The following ACACA variants were observed in gnomAD, a reference collection of about 807,000 sequenced individuals.
ACACA encodes the protein acetyl-CoA carboxylase 1.
Under a neutral mutation model 296.1 loss-of-function variants are expected in ACACA, and 103 were observed. The observed-to-expected ratio is 0.35, with a 90% CI of 0.30 to 0.41. The LOEUF is 0.41. Ranked by LOEUF, ACACA falls within the 10% of genes least tolerant of loss-of-function variation. The probability of loss-of-function intolerance (pLI) is 1.00; values close to 1 mark genes in which losing one functional copy is unlikely to be tolerated. For missense variants in ACACA, 1,554 were observed against 2,989.7 expected (o/e 0.52, Z 11.20); for synonymous variants, 953 against 1,038.6 (o/e 0.92, Z 1.58).
chr17:37,212,052 G>A (rs930921156), intron 29 of ACACA, among the ~76,000 whole-genome samples: 3 of 152,092 alleles, frequency 2.0e-5, no homozygotes, highest in Admixed American at 1.3e-4. Flanking sequence ...TTCCTTTTAC[G>A]ATATAAAGGA....
intron 5 of ACACA, among the ~76,000 whole-genome samples, chr17:37,281,602 T>C (rs1362562122): frequency 2.0e-5 from 3 of 152,196 alleles, no homozygotes; most frequent in African/African-American, 7.2e-5. Context: ...GCGCAGTGGC[T>C]TACACCTGTA....
intron 5 of ACACA, among the ~76,000 whole-genome samples, chr17:37,281,627 G>T (rs1261599606): frequency 6.6e-6 from 1 of 152,118 alleles, no homozygotes; most frequent in Non-Finnish European, 1.5e-5. Context: ...TAGTACTTTG[G>T]GAGGCCAAGG....
At position 37,284,753 on chromosome 17, in the gene ACACA, T is replaced by C. The variant is rs117695228; in HGVS notation, c.471+85A>G. ...AAGCCTCTGAGAAACTAAATATCAA[T>C]TGGGAGCAAATCTAGACAACAAATC... On this transcript the variant is annotated intron_variant, in intron 4 of 55. Coordinates refer to ENST00000616317, the MANE Select transcript of ACACA (RefSeq NM_198834.3). 2.8e-4 allele frequency: 447 copies of C among 1,582,276 alleles called. 1 individual carries two copies. The highest frequency in any genetic ancestry group is 3.5e-4 in the Non-Finnish European group (408 of 1,153,214).
chr17:37,124,202 C>A (rs567250832), intron 48 of ACACA, among the ~76,000 whole-genome samples: 1 of 152,286 alleles, frequency 6.6e-6, no homozygotes, highest in South Asian at 2.1e-4. Flanking sequence ...GTTTTATATA[C>A]TTGTGAGTAT....
chr17:37,247,012 C>T (rs771650436), intron 18 of ACACA, 36 bp from the exon 19 acceptor site: 36 of 1,611,650 alleles, frequency 2.2e-5, no homozygotes, highest in African/African-American at 6.7e-5. Context: ...GCTAAGAAAG[C>T]ACCTCAGGAT....
At chr17:37,337,883 G>A (rs1203906311) in intron 2 of ACACA, among the ~76,000 whole-genome samples, 1 of 151,854 alleles carries the variant, frequency 6.6e-6, no homozygotes, top group Non-Finnish European at 1.5e-5. Context: ...GGATCACAAG[G>A]TCAGGAGATC....
chr17:37,120,708 G>C (rs1310105236), intron 50 of ACACA, among the ~76,000 whole-genome samples: 2 of 152,212 alleles, frequency 1.3e-5, no homozygotes, highest in Non-Finnish European at 2.9e-5. Flanking sequence ...CTTCACTACT[G>C]TAAGAGGTAG....
chr17:37,382,277 ACAGTGGTTCTTAACCT>A (rs1317518657), intron 1 of ACACA, among the ~76,000 whole-genome samples: 1 of 151,944 alleles, frequency 6.6e-6, no homozygotes, highest in African/African-American at 2.4e-5. Context: ...CAGCTGCTGG[ACAGTGGTTCTTAACCT>A]CAGCCTGAAG....
intron 5 of ACACA, among the ~76,000 whole-genome samples, chr17:37,278,666 G>A (rs940312282): frequency 6.6e-6 from 1 of 152,116 alleles, no homozygotes; most frequent in African/African-American, 2.4e-5. Context: ...GAGCTACCAC[G>A]TGTAGGGACT....
chr17:37,363,137 C>G (rs2049470561), intron 1 of ACACA, among the ~76,000 whole-genome samples: 1 of 149,282 alleles, frequency 6.7e-6, no homozygotes, highest in Admixed American at 6.7e-5. Flanking sequence ...CAGGGACATG[C>G]CACCACACCT....
intron 3 of ACACA, chr17:37,299,268 C>G (rs750621572): frequency 6.2e-7 from 1 of 1,612,876 alleles, no homozygotes; most frequent in Non-Finnish European, 8.5e-7. Flanking sequence ...AATGTGGTAG[C>G]CTAACACTTA....
Position 37,270,487 on chromosome 17 carries a change from C to T in ACACA, c.1119+264G>A, listed in dbSNP as rs2082020201. 3.9e-5 allele frequency among the ~76,000 whole-genome samples: 6 copies of T among 152,148 alleles called. No individual in the cohort carries two copies. In the South Asian group the frequency reaches 1.2e-3, roughly 32 times the overall value. On this transcript the variant is annotated intron_variant, in intron 10 of 55. Coordinates refer to ENST00000616317, the MANE Select transcript of ACACA (RefSeq NM_198834.3). Reference sequence around the variant, plus strand: ...TACGCACCAGGTAGGAAAGAGCTATCTGACAAACTGAGCACGTTTATATAA... The same window carrying T: ...TACGCACCAGGTAGGAAAGAGCTATTTGACAAACTGAGCACGTTTATATAA...
At chr17:37,277,715 T>C (rs1486257300) in intron 6 of ACACA, among the ~76,000 whole-genome samples, 181 bp downstream of exon 6, 6 of 152,200 alleles carry the variant, frequency 3.9e-5, no homozygotes, top group Non-Finnish European at 7.4e-5. Flanking sequence ...GTTTACTTTA[T>C]TTTTAGCCAT....
intron 26 of ACACA, 83 bp from the exon 27 acceptor site, chr17:37,225,188 A>C: frequency 1.2e-6 from 1 of 821,530 alleles, no homozygotes; most frequent in Non-Finnish European, 2.1e-6. Context: ...ATACAAAAGC[A>C]ATAAATATAA....
At chr17:37,150,044 G>A (rs2075972172) in intron 44 of ACACA, 70 bp from the exon 45 acceptor site, 1 of 1,388,882 alleles carries the variant, frequency 7.2e-7, no homozygotes, top group Non-Finnish European at 1.0e-6. Flanking sequence ...CTAAGGCATA[G>A]ATAAGTAAAA....
intron 52 of ACACA, among the ~76,000 whole-genome samples, chr17:37,098,190 C>A (rs2073105847): frequency 6.6e-6 from 1 of 152,216 alleles, no homozygotes; most frequent in Non-Finnish European, 1.5e-5. Flanking sequence ...AAGAAGCCCA[C>A]ATGCCCTCTT....
chr17:37,302,328 G>A (rs1428439677), intron 3 of ACACA, among the ~76,000 whole-genome samples: 3 of 151,974 alleles, frequency 2.0e-5, no homozygotes, highest in Non-Finnish European at 2.9e-5. Context: ...TCCCGCCTCA[G>A]CCTCCCGAGT....
At position 37,270,736 on chromosome 17, in the gene ACACA, C is replaced by G; in HGVS notation, c.1119+15G>C. On this transcript the variant is annotated intron_variant, in intron 10 of 55. Coordinates refer to ENST00000616317, the MANE Select transcript of ACACA (RefSeq NM_198834.3). Reference sequence around the variant, plus strand: ...ACATGTTAGTTCAAACAAACAAAAACAGCTTATACTCTACCTGTCTGAAGA... The same window carrying G: ...ACATGTTAGTTCAAACAAACAAAAAGAGCTTATACTCTACCTGTCTGAAGA... 1.9e-6 allele frequency: 3 copies of G among 1,587,844 alleles called. No homozygotes were observed. The highest frequency in any genetic ancestry group is 2.6e-6 in the Non-Finnish European group (3 of 1,156,358).
At chr17:37,106,979 G>A (rs542864844) in intron 52 of ACACA, among the ~76,000 whole-genome samples, 5 of 152,236 alleles carry the variant, frequency 3.3e-5, no homozygotes, top group African/African-American at 7.2e-5. Context: ...AAACTTCACC[G>A]AGCCAAATAG....
Sources: allele counts gnomAD v4.1 joint callset (sites outside exome capture counted in the v4.1 genomes callset), GRCh38; gene constraint gnomAD v4.1.1; transcripts MANE v1.5; gene names NCBI Gene and HGNC (gene_info 2026-07-23, HGNC 2026-07-21).